TJP1: variants seen among roughly 807,000 people sequenced by gnomAD.
The protein encoded by TJP1 is tight junction protein 1, also known as tight junction protein ZO-1.
A neutral mutation model predicts 194.2 loss-of-function variants in TJP1; 43 were observed. The observed-to-expected ratio is 0.22, with a 90% CI of 0.17 to 0.29. TJP1 has a LOEUF of 0.29. TJP1 is among the 10% of genes least tolerant of loss of function. The probability of loss-of-function intolerance (pLI) is 1.00; values close to 1 mark genes in which losing one functional copy is unlikely to be tolerated. For synonymous variants in TJP1, 801 were observed against 779.0 expected (o/e 1.03, Z -0.47); for missense variants, 1,971 against 2,185.7 (o/e 0.90, Z 1.96).
intron 2 of TJP1, among the ~76,000 whole-genome samples, chr15:29,848,215 T>C (rs2051493376): frequency 6.6e-6 from 1 of 152,150 alleles, no homozygotes; most frequent in South Asian, 2.1e-4. Flanking sequence ...GTTCTGCAGA[T>C]GTTAATCAGA....
At chr15:29,745,956 G>A (rs562351811) in intron 8 of TJP1, among the ~76,000 whole-genome samples, 41 of 152,200 alleles carry the variant, frequency 2.7e-4, no homozygotes, top group African/African-American at 9.9e-4. Context: ...AGTGAGAACT[G>A]GGGGTGAACT....
intron 2 of TJP1, among the ~76,000 whole-genome samples, chr15:29,910,589 T>C (rs994815167): frequency 5.3e-5 from 8 of 152,254 alleles, no homozygotes; most frequent in African/African-American, 1.9e-4. Context: ...GATTATTCTA[T>C]ATTTCATTAA....
chr15:29,761,215 G>A lies in TJP1; in HGVS notation c.934C>T (p.Arg312Trp), dbSNP rs146368873. 7.7e-4 allele frequency: 1,248 copies of A among 1,614,056 alleles called. No individual in the cohort carries two copies. Among genetic ancestry groups the A allele is most frequent in the Non-Finnish European group, 9.0e-4 (1,062 of 1,180,006 alleles). The change falls in exon 8 of 28, where the codon CGG becomes TGG. Residue 312 changes from arginine to tryptophan, a missense_variant. Arg to Trp is a moderately radical substitution (Grantham distance 101). Around this residue, in one of 5 missense-constraint regions of TJP1, gnomAD observed 192 missense variants for 182.3 expected, o/e 1.05. Coordinates refer to ENST00000614355, the MANE Select transcript of TJP1 (RefSeq NM_001330239.4). Reference sequence around the variant, plus strand: ...GACCGCTGGTCAGGAGATCGTGACCGGCTGCGGCGGGGAGGCCTATCGTGT... The same window carrying A: ...GACCGCTGGTCAGGAGATCGTGACCAGCTGCGGCGGGGAGGCCTATCGTGT... ...RSHDRPPRRSRSRSPDQRSEP... is the reference protein window; with the variant it reads ...RSHDRPPRRSWSRSPDQRSEP...
chr15:29,738,600 C>T (rs1595703612), intron 10 of TJP1, among the ~76,000 whole-genome samples: 1 of 152,096 alleles, frequency 6.6e-6, no homozygotes, highest in East Asian at 1.9e-4. Context: ...AAACTATTTA[C>T]CAGCTTTACT....
chr15:29,808,439 G>T (rs1567069939), intron 1 of TJP1, among the ~76,000 whole-genome samples: 2 of 152,160 alleles, frequency 1.3e-5, no homozygotes, highest in East Asian at 3.8e-4. Context: ...TATTCACTTT[G>T]AAAATATATC....
intron 1 of TJP1, among the ~76,000 whole-genome samples, chr15:29,818,017 A>C (rs1273450612): frequency 6.6e-6 from 1 of 152,178 alleles, no homozygotes; most frequent in African/African-American, 2.4e-5. Context: ...AATTAAAAAA[A>C]AAAAAGCCCA....
chr15:29,721,022 T>G lies in TJP1; in HGVS notation c.2413-314A>C, dbSNP rs534640161. On this transcript the variant is annotated intron_variant, in intron 18 of 27. Coordinates refer to ENST00000614355, the MANE Select transcript of TJP1 (RefSeq NM_001330239.4). ...GCTCAGATTTATAAAACCTACTCAC[T>G]AGCTCTTCAGCCCTTTTAAGCAAGG... 1.1e-4 allele frequency among the ~76,000 whole-genome samples: 17 copies of G among 152,252 alleles called. No homozygotes were observed. The East Asian group carries it at 3.3e-3, about 30-fold the overall frequency.
chr15:29,941,607 C>T (rs1414089461), intron 2 of TJP1, among the ~76,000 whole-genome samples: 2 of 152,118 alleles, frequency 1.3e-5, no homozygotes, highest in African/African-American at 4.8e-5. Flanking sequence ...CACTTTTTGC[C>T]CAACAAAGTC....
rs557040820 is a variant in TJP1, at chr15:29,834,229, T to A, written c.307-33527A>T. ...AGAATCTTGTGAGTAAATAGGGATT[T>A]TTTTTTTTTTTGAGACAAAGTCTCA... On this transcript the variant is annotated intron_variant, in intron 2 of 28. Coordinates refer to the TJP1 transcript ENST00000356107. Among the ~76,000 whole-genome samples the A allele has an allele frequency of 4.1e-5, 6 of 147,986 alleles. No individual in the cohort carries two copies. In the South Asian group the frequency reaches 1.3e-3, roughly 32 times the overall value.
intron 2 of TJP1, among the ~76,000 whole-genome samples, chr15:29,952,970 C>T (rs1316817271): frequency 2.0e-5 from 3 of 152,116 alleles, no homozygotes; most frequent in Non-Finnish European, 4.4e-5. Context: ...ACCTTCCCTT[C>T]AGACTTCTGT....
intron 2 of TJP1, among the ~76,000 whole-genome samples, chr15:29,904,162 C>A (rs2053728959): frequency 6.6e-6 from 1 of 152,116 alleles, no homozygotes; most frequent in African/African-American, 2.4e-5. Context: ...GCGGGTGCTG[C>A]AGGCCACAAT....
At chr15:29,930,111 T>C (rs185391672) in intron 2 of TJP1, among the ~76,000 whole-genome samples, 6 of 152,132 alleles carry the variant, frequency 3.9e-5, no homozygotes, top group African/African-American at 1.4e-4. Context: ...AAACTAAAAA[T>C]AAACAAATAA....
chr15:29,968,189 C>T lies in TJP1; in HGVS notation c.173+478G>A, dbSNP rs1015879987. ...TGCAATAATAATTTCCCAACTTATTCCCCTTGCCTTGCTCGTCCTCTACTA... is the reference window on the plus strand; with the variant it reads ...TGCAATAATAATTTCCCAACTTATTTCCCTTGCCTTGCTCGTCCTCTACTA... On this transcript the variant is annotated intron_variant, in intron 1 of 28. Transcript: ENST00000356107. 3 of 985,332 alleles carry T rather than the reference C, an allele frequency of 3.0e-6. No homozygotes were observed. The African/African-American group carries it at 5.2e-5, about 17-fold the overall frequency. 61.0% of individuals were successfully genotyped at this position (985,332 alleles called of 1,614,324 possible). A position where few individuals can be genotyped will look rare whatever the true frequency, so the allele number is the denominator to read the frequency against.
rs2043626941 is a variant in TJP1 at position 29,731,128 on chromosome 15, A to G, written c.2017+1305T>C. ...ATGTTGTTCGCACACAGAACACTTC[A>G]TTGTTGTTTTTGGGGGAAGGGGCAT... On this transcript the variant is annotated intron_variant, in intron 15 of 27. Coordinates refer to ENST00000614355, the MANE Select transcript of TJP1 (RefSeq NM_001330239.4). 1.7e-5 allele frequency: 10 copies of G among 604,404 alleles called. No individual in the cohort carries two copies. In the East Asian group the frequency reaches 2.8e-4, roughly 17 times the overall value. The allele number at this position is 604,404 out of a possible 1,614,324, so 37.4% of individuals were successfully genotyped here.
chr15:29,707,285 G>A (rs907734847), intron 25 of TJP1, among the ~76,000 whole-genome samples: 1 of 152,178 alleles, frequency 6.6e-6, no homozygotes, highest in Non-Finnish European at 1.5e-5. Context: ...ACAGTTTTGA[G>A]CCAGGGCTCA....
At chr15:29,793,993 C>A (rs919851921) in intron 2 of TJP1, among the ~76,000 whole-genome samples, 1 of 152,004 alleles carries the variant, frequency 6.6e-6, no homozygotes, top group Non-Finnish European at 1.5e-5. Context: ...AAATACTGGC[C>A]CTTTGGAATG....
chr15:29,959,652 G>A (rs908123943), intron 1 of TJP1, among the ~76,000 whole-genome samples: 5 of 152,062 alleles, frequency 3.3e-5, no homozygotes, highest in African/African-American at 4.8e-5. Context: ...CAACTGTAAC[G>A]TTTTCTCTCA....
At chr15:29,761,861 C>T (rs2046028845) in intron 6 of TJP1, 92 bp from the exon 7 acceptor site, 4 of 1,281,932 alleles carry the variant, frequency 3.1e-6, no homozygotes, top group Middle Eastern at 2.9e-4. Flanking sequence ...CAAACCACTC[C>T]TTGCTATGAA....
intron 2 of TJP1, among the ~76,000 whole-genome samples, chr15:29,922,360 G>A (rs894380643): frequency 5.3e-5 from 8 of 151,720 alleles, no homozygotes; most frequent in Non-Finnish European, 1.2e-4. Flanking sequence ...TTGCAGAGTT[G>A]TGCAAATTAA....
Sources: gnomAD v4.1 joint callset for allele counts (sites outside exome capture counted in the v4.1 genomes callset) on GRCh38, gnomAD v4.1.1 for gene constraint, gnomAD v4.1.1 regional missense constraint, MANE v1.5 for transcripts, NCBI Gene and HGNC (gene_info 2026-07-23, HGNC 2026-07-21) for gene names.